The following SUFU variants were observed in gnomAD, a reference collection of about 807,000 sequenced individuals.
The protein encoded by SUFU is SUFU negative regulator of hedgehog signaling.
SUFU carries 7 observed loss-of-function variants against 58.9 expected under a neutral mutation model. That is an observed-to-expected ratio of 0.12 (90% CI 0.07 to 0.22). The LOEUF (loss-of-function observed/expected upper bound fraction) is 0.22. Ranked by LOEUF, SUFU falls within the 10% of genes least tolerant of loss-of-function variation. The pLI, the probability that SUFU is intolerant of heterozygous loss-of-function variation, is 1.00. For missense variants in SUFU, 451 were observed against 641.3 expected (o/e 0.70, Z 3.20); for synonymous variants, 232 against 254.8 (o/e 0.91, Z 0.85).
intron 2 of SUFU, among the ~76,000 whole-genome samples, chr10:102,532,704 C>T (rs1288988628): frequency 1.3e-5 from 2 of 152,138 alleles, no homozygotes; most frequent in East Asian, 1.9e-4. Flanking sequence ...AGAACACCTG[C>T]GCAGAGTTTC....
In SUFU at chr10:102,633,520, C is replaced by T. The variant is rs1415484112; in HGVS notation, c.*3365C>T. 3 of 207,694 alleles carry T rather than the reference C, an allele frequency of 1.4e-5. No homozygotes were observed. The highest frequency in any genetic ancestry group is 2.3e-5 in the African/African-American group (1 of 43,870). The allele number at this position is 207,694 out of a possible 1,614,324, so 12.9% of individuals were successfully genotyped here. A position where few individuals can be genotyped will look rare whatever the true frequency, so the allele number is the denominator to read the frequency against. On this transcript the variant is annotated 3_prime_UTR_variant, in exon 12 of 12. Transcript: ENST00000369902. The stretch of plus-strand genomic sequence containing the variant: ...TGGAGCCGGAAGCCCGGGGCCCTGG[C>T]AGAGGGAGTGGGTTGTTGTTAGCCA...
At chr10:102,543,720 A>T (rs991827450) in intron 2 of SUFU, among the ~76,000 whole-genome samples, 7 of 152,240 alleles carry the variant, frequency 4.6e-5, no homozygotes, top group African/African-American at 1.7e-4. Flanking sequence ...AATATAAATA[A>T]AATCATACAA....
chr10:102,571,010 G>T (rs1184538574), intron 3 of SUFU, among the ~76,000 whole-genome samples: 2 of 152,062 alleles, frequency 1.3e-5, no homozygotes, highest in Admixed American at 6.5e-5. Context: ...AACCTTCAAG[G>T]TGTACAGTAT....
intron 3 of SUFU, among the ~76,000 whole-genome samples, chr10:102,579,099 G>A (rs899145697): frequency 1.2e-4 from 18 of 152,218 alleles, no homozygotes; most frequent in Admixed American, 9.2e-4. Flanking sequence ...CTCTCTCTAA[G>A]GGGTAAGCAA....
chr10:102,595,578 C>T (rs918200271), intron 6 of SUFU, among the ~76,000 whole-genome samples: 8 of 95,162 alleles, frequency 8.4e-5, no homozygotes, highest in African/African-American at 3.4e-4. Context: ...AACAGCTGTC[C>T]TTCCATGCCA....
intron 7 of SUFU, among the ~76,000 whole-genome samples, chr10:102,597,951 A>G (rs903475274): frequency 1.1e-4 from 17 of 152,240 alleles, no homozygotes; most frequent in African/African-American, 4.1e-4. Flanking sequence ...GCTAACTGCA[A>G]AGGAGAAGCA....
At chr10:102,553,885 G>A (rs1217422265) in intron 3 of SUFU, among the ~76,000 whole-genome samples, 1 of 152,202 alleles carries the variant, frequency 6.6e-6, no homozygotes, top group East Asian at 1.9e-4. Context: ...CCTAAGCCCA[G>A]GAGTTCAGGA....
At chr10:102,543,695 T>C (rs530263835) in intron 2 of SUFU, among the ~76,000 whole-genome samples, 172 of 152,352 alleles carry the variant, frequency 1.1e-3, no homozygotes, top group Middle Eastern at 0.01. Context: ...TTACGAATTA[T>C]ACAATTTTTC....
chr10:102,609,455 G>A (rs2063598884), intron 8 of SUFU, among the ~76,000 whole-genome samples: 1 of 152,144 alleles, frequency 6.6e-6, no homozygotes, highest in Non-Finnish European at 1.5e-5. Context: ...AAAGAACAGG[G>A]TCAAGAAAAG....
At chr10:102,510,631 G>A (rs551124202) in intron 2 of SUFU, among the ~76,000 whole-genome samples, 1 of 151,878 alleles carries the variant, frequency 6.6e-6, no homozygotes, top group East Asian at 2.0e-4. Flanking sequence ...AGACCAGCCC[G>A]GCCAACATGG....
In SUFU at chr10:102,632,002, T is replaced by C. The variant is rs1386595145; in HGVS notation, c.*1847T>C. The stretch of plus-strand genomic sequence containing the variant: ...AGCAGCCCTGCCTGTGAAGCTCTTG[T>C]TTCTGACATTTCACAGGCAGAGAGG... On this transcript the variant is annotated 3_prime_UTR_variant, in exon 12 of 12. Transcript: ENST00000369902. 3 of 233,228 alleles carry C rather than the reference T, an allele frequency of 1.3e-5. No individual in the cohort carries two copies. The highest frequency in any genetic ancestry group is 4.4e-5 in the African/African-American group (2 of 45,318). The allele number at this position is 233,228 out of a possible 1,614,324, so 14.4% of individuals were successfully genotyped here.
In SUFU at chr10:102,632,103, G is replaced by A. The variant is rs981001070; in HGVS notation, c.*1948G>A. On this transcript the variant is annotated 3_prime_UTR_variant, in exon 12 of 12. Coordinates refer to ENST00000369902, the MANE Select transcript of SUFU (RefSeq NM_016169.4). ...ACTCTCTCTTGCTCGGGACCTGCCTGAGGGCTCCCTGCTGCAGTTCGCCGT... is the reference window on the plus strand; with the variant it reads ...ACTCTCTCTTGCTCGGGACCTGCCTAAGGGCTCCCTGCTGCAGTTCGCCGT... 3.4e-5 allele frequency: 8 copies of A among 233,452 alleles called. No individual in the cohort carries two copies. The highest frequency in any genetic ancestry group is 1.8e-4 in the African/African-American group (8 of 45,480). The allele number at this position is 233,452 out of a possible 1,614,324, so 14.5% of individuals were successfully genotyped here.
intron 2 of SUFU, among the ~76,000 whole-genome samples, chr10:102,520,218 T>C (rs1406588625): frequency 5.5e-5 from 8 of 144,190 alleles, no homozygotes; most frequent in African/African-American, 1.8e-4. Flanking sequence ...CTTTCTTTTT[T>C]TTTTTTTTTT....
Position 102,504,348 on chromosome 10 carries a change from C to T in SUFU, c.182+14C>T. 1 of 1,613,934 alleles carries T rather than the reference C, an allele frequency of 6.2e-7. No individual in the cohort carries two copies. Among genetic ancestry groups the T allele is most frequent in the Non-Finnish European group, 8.5e-7 (1 of 1,179,984 alleles). On this transcript the variant is annotated intron_variant, in intron 1 of 11. Coordinates refer to ENST00000369902, the MANE Select transcript of SUFU (RefSeq NM_016169.4). ...CGTCAAGTACTGGTATGCTCTGGGC[C>T]GCGGGGAGACGGACAGGCGCGGGCT...
intron 3 of SUFU, among the ~76,000 whole-genome samples, chr10:102,570,746 G>C (rs1392243848): frequency 6.6e-6 from 1 of 152,162 alleles, no homozygotes; most frequent in Middle Eastern, 3.2e-3. Context: ...AAGGGAGTTA[G>C]TTTCCTAAGC....
intron 3 of SUFU, among the ~76,000 whole-genome samples, chr10:102,553,560 T>A (rs2062942900): frequency 6.6e-6 from 1 of 151,992 alleles, no homozygotes; most frequent in African/African-American, 2.4e-5. Context: ...GCCTCCCAGA[T>A]TCACGCCATT....
chr10:102,538,577 G>A (rs2062766690), intron 2 of SUFU, among the ~76,000 whole-genome samples: 1 of 150,438 alleles, frequency 6.6e-6, no homozygotes, highest in African/African-American at 2.4e-5. Context: ...CAGCAAAATT[G>A]AGCAGAAAGT....
At chr10:102,509,853 T>C (rs1163016863) in intron 2 of SUFU, among the ~76,000 whole-genome samples, 1 of 152,170 alleles carries the variant, frequency 6.6e-6, no homozygotes, top group East Asian at 1.9e-4. Flanking sequence ...ATGCTTTTTT[T>C]TGGAGATAGG....
At chr10:102,612,130 C>T (rs1486724942) in intron 8 of SUFU, among the ~76,000 whole-genome samples, 3 of 151,900 alleles carry the variant, frequency 2.0e-5, no homozygotes, top group East Asian at 1.9e-4. Context: ...GCTTCTGCAT[C>T]GATGTCCAGA....
Sources: gnomAD v4.1 joint callset for allele counts (sites outside exome capture counted in the v4.1 genomes callset) on GRCh38, gnomAD v4.1.1 for gene constraint, MANE v1.5 for transcripts, NCBI Gene and HGNC (gene_info 2026-07-23, HGNC 2026-07-21) for gene names.